The following SNX3 variants were observed in gnomAD, a reference collection of about 807,000 sequenced individuals.
SNX3 encodes the protein sorting nexin 3, also known as sorting nexin-3.
In SNX3, 5 loss-of-function variants were observed where a neutral mutation model predicts 17.7. The ratio of observed to expected loss-of-function variants is 0.28; its 90% CI spans 0.15 to 0.59. The LOEUF (loss-of-function observed/expected upper bound fraction) is 0.59. Among genes scored for constraint, SNX3 ranks in the 20% least tolerant of loss-of-function variants. The probability of loss-of-function intolerance (pLI) is 0.88; values close to 1 mark genes in which losing one functional copy is unlikely to be tolerated. For missense variants in SNX3, 132 were observed against 206.8 expected (o/e 0.64, Z 2.22); for synonymous variants, 91 against 76.5 (o/e 1.19, Z -0.99).
intron 1 of SNX3, among the ~76,000 whole-genome samples, chr6:108,253,431 A>G (rs377255334): frequency 5.0e-4 from 67 of 134,404 alleles, no homozygotes; most frequent in African/African-American, 1.8e-3. Context: ...GCTTACTTTC[A>G]TGATTATTAT....
chr6:108,230,648 T>A (rs1775117834), intron 1 of SNX3, among the ~76,000 whole-genome samples: 1 of 152,214 alleles, frequency 6.6e-6, no homozygotes, highest in East Asian at 1.9e-4. Flanking sequence ...GTTCATGGAG[T>A]TCAAAAGTTC....
At chr6:108,242,946 C>T (rs1775565789) in intron 1 of SNX3, among the ~76,000 whole-genome samples, 1 of 152,158 alleles carries the variant, frequency 6.6e-6, no homozygotes, top group Admixed American at 6.5e-5. Flanking sequence ...GAAACCACAA[C>T]CCCGACCAAC....
At position 108,212,270 on chromosome 6, in the gene SNX3, A is replaced by T; in HGVS notation, c.384-16T>A. The T allele has an allele frequency of 6.5e-7, 1 of 1,537,056 alleles. No homozygotes were observed. The highest frequency in any genetic ancestry group is 9.0e-7 in the Non-Finnish European group (1 of 1,117,198). ...ACCAGCGACCCTGAGAATAAAAAAT[A>T]TAAATTTAGTCCAATATTTTATACA... On this transcript the variant is annotated splice_polypyrimidine_tract_variant and intron_variant, in intron 3 of 3. Coordinates refer to ENST00000230085, the MANE Select transcript of SNX3 (RefSeq NM_003795.6).
At chr6:108,253,643 C>G (rs929400726) in intron 1 of SNX3, among the ~76,000 whole-genome samples, 5 of 152,084 alleles carry the variant, frequency 3.3e-5, no homozygotes, top group African/African-American at 1.2e-4. Context: ...CCAAGATCTG[C>G]TATTCATTTT....
At chr6:108,257,556 G>A (rs905061804) in intron 1 of SNX3, among the ~76,000 whole-genome samples, 1 of 152,102 alleles carries the variant, frequency 6.6e-6, no homozygotes, top group Admixed American at 6.5e-5. Context: ...TCATGTCATA[G>A]CCACTCTGCC....
intron 1 of SNX3, among the ~76,000 whole-genome samples, chr6:108,241,031 A>G (rs971959881): frequency 2.0e-5 from 3 of 150,080 alleles, no homozygotes; most frequent in Non-Finnish European, 3.0e-5. Context: ...AATCCCAGCT[A>G]CTTGGGAGTC....
chr6:108,260,506 G>A (rs1348794745), intron 1 of SNX3, among the ~76,000 whole-genome samples: 2 of 152,206 alleles, frequency 1.3e-5, no homozygotes, highest in African/African-American at 2.4e-5. Context: ...GCTGCTGGAG[G>A]GGCAAGCGGC....
intron 1 of SNX3, among the ~76,000 whole-genome samples, chr6:108,250,819 T>C (rs1478084546): frequency 6.6e-6 from 1 of 152,212 alleles, no homozygotes; most frequent in Non-Finnish European, 1.5e-5. Context: ...AAATGCTCCA[T>C]CAGTGATAAA....
chr6:108,225,071 A>G (rs896049701), intron 1 of SNX3, among the ~76,000 whole-genome samples: 1 of 152,150 alleles, frequency 6.6e-6, no homozygotes, highest in African/African-American at 2.4e-5. Flanking sequence ...TCACGAGGTC[A>G]GGAGATCGAG....
chr6:108,217,505 A>G (rs968386625), intron 2 of SNX3, among the ~76,000 whole-genome samples: 3 of 152,182 alleles, frequency 2.0e-5, no homozygotes, highest in African/African-American at 7.2e-5. Context: ...ATGTAATCCC[A>G]GCACTTCAGG....
At chr6:108,235,418 C>G (rs1488048471) in intron 1 of SNX3, among the ~76,000 whole-genome samples, 1 of 152,142 alleles carries the variant, frequency 6.6e-6, no homozygotes, top group Non-Finnish European at 1.5e-5. Flanking sequence ...CAAGACCTGA[C>G]CAAACTGTAG....
rs1214565040 is a variant in SNX3 at position 108,219,442 on chromosome 6, CA to C, written c.258+3507del. Reference sequence around the variant, plus strand: ...GCAACATAGTGAAGCCTCATCCTTACAAAAAATTTTTTAAAATTAGCTGGAC... The same window carrying C: ...GCAACATAGTGAAGCCTCATCCTTACAAAAATTTTTTAAAATTAGCTGGAC... On this transcript the variant is annotated intron_variant, in intron 2 of 3. Transcript: ENST00000230085. Among the ~76,000 whole-genome samples, 8 of 151,960 alleles carry C rather than the reference CA, an allele frequency of 5.3e-5. No homozygotes were observed. In the East Asian group the frequency reaches 1.4e-3, roughly 26 times the overall value.
chr6:108,242,003 A>T (rs1775536268), intron 1 of SNX3, among the ~76,000 whole-genome samples: 1 of 152,208 alleles, frequency 6.6e-6, no homozygotes, highest in African/African-American at 2.4e-5. Flanking sequence ...AGATTATTTA[A>T]AAAACACTGA....
intron 1 of SNX3, among the ~76,000 whole-genome samples, chr6:108,249,836 AG>A (rs1489795404): frequency 6.6e-6 from 1 of 152,144 alleles, no homozygotes; most frequent in African/African-American, 2.4e-5. Flanking sequence ...ATGAATGTGC[AG>A]TGTTATATTT....
At chr6:108,250,912 G>A (rs2114763303) in intron 1 of SNX3, among the ~76,000 whole-genome samples, 1 of 152,332 alleles carries the variant, frequency 6.6e-6, no homozygotes, top group African/African-American at 2.4e-5. Context: ...ATTATTTTAA[G>A]TAATTCTCTA....
In SNX3 at chr6:108,245,119, A is replaced by G. The variant is rs370791141; in HGVS notation, c.162+15641T>C. 4.6e-4 allele frequency among the ~76,000 whole-genome samples: 70 copies of G among 151,770 alleles called. 1 individual carries two copies. The highest frequency in any genetic ancestry group is 1.6e-3 in the African/African-American group (66 of 41,356). ...ATGCTCTCCCTCCCCTTGCCCCCCA[A>G]TCCCCAGCAGGCCCTGGTGTGTGAT... On this transcript the variant is annotated intron_variant, in intron 1 of 3. Transcript: ENST00000230085.
intron 1 of SNX3, among the ~76,000 whole-genome samples, chr6:108,239,609 G>C (rs747484972): frequency 6.6e-6 from 1 of 152,254 alleles, no homozygotes; most frequent in African/African-American, 2.4e-5. Flanking sequence ...TTACTCCTCT[G>C]AAGTTTTATT....
intron 1 of SNX3, among the ~76,000 whole-genome samples, chr6:108,236,659 A>AT (rs1775353403): frequency 6.6e-6 from 1 of 152,004 alleles, no homozygotes; most frequent in South Asian, 2.1e-4. Context: ...AAGTGCTGGG[A>AT]TTACAGGCGT....
intron 1 of SNX3, among the ~76,000 whole-genome samples, chr6:108,233,697 C>T (rs1228839530): frequency 1.3e-5 from 2 of 152,110 alleles, no homozygotes; most frequent in Admixed American, 1.3e-4. Flanking sequence ...TGCAGTGAGC[C>T]AAGGTTGTTC....
Sources: gnomAD v4.1 joint callset for allele counts (sites outside exome capture counted in the v4.1 genomes callset) on GRCh38, gnomAD v4.1.1 for gene constraint, MANE v1.5 for transcripts, NCBI Gene and HGNC (gene_info 2026-07-23, HGNC 2026-07-21) for gene names.